Variants in DAAM2 observed in about 807,000 individuals in gnomAD.
DAAM2 encodes the protein dishevelled associated activator of morphogenesis 2, also known as disheveled-associated activator of morphogenesis 2.
DAAM2 carries 39 observed loss-of-function variants against 120.7 expected under a neutral mutation model. That is an observed-to-expected ratio of 0.32 (90% CI 0.25 to 0.42). The LOEUF (loss-of-function observed/expected upper bound fraction) is 0.42, where lower values mean the gene tolerates loss of function less well. Ranked by LOEUF, DAAM2 falls within the 10% of genes least tolerant of loss-of-function variation. DAAM2 has a pLI of 1.00. For missense variants in DAAM2, 1,283 were observed against 1,401.7 expected (o/e 0.92, Z 1.35); for synonymous variants, 488 against 524.9 (o/e 0.93, Z 0.96).
At chr6:39,812,524 C>T (rs1163174569) in intron 1 of DAAM2, among the ~76,000 whole-genome samples, 1 of 152,110 alleles carries the variant, frequency 6.6e-6, no homozygotes, top group Non-Finnish European at 1.5e-5. Flanking sequence ...ACTTGACAAT[C>T]GACTGTACCT....
intron 1 of DAAM2, among the ~76,000 whole-genome samples, chr6:39,845,642 C>G (rs1161239128): frequency 2.0e-5 from 3 of 152,012 alleles, no homozygotes; most frequent in Non-Finnish European, 4.4e-5. Flanking sequence ...TTCATGTCTT[C>G]TCTCTCCTCC....
intron 1 of DAAM2, among the ~76,000 whole-genome samples, chr6:39,794,732 G>A: frequency 6.6e-6 from 1 of 152,166 alleles, no homozygotes. Context: ...GGATCCAGGT[G>A]TAAAGAATGA....
At chr6:39,861,660 GTC>G (rs1426731375) in intron 3 of DAAM2, 2 of 162,046 alleles carry the variant, frequency 1.2e-5, no homozygotes, top group Non-Finnish European at 2.7e-5. Flanking sequence ...CTGTCTCTAC[GTC>G]TCTCTCTTGC....
Position 39,878,117 on chromosome 6 carries a change from C to T in DAAM2, c.1302-86C>T, listed in dbSNP as rs574628296. ...ACAGATTGGAGACCAGGGTCCCCAC[C>T]TGGAGGGTAGAAAGATGATGTCTCC... On this transcript the variant is annotated intron_variant, in intron 11 of 24. Transcript: ENST00000274867. This position sits in a 1 kb window ranked among gnomAD's most constrained non-coding sequence, Gnocchi z 5.0. 6.8e-7 allele frequency: 1 copy of T among 1,467,152 alleles called. No individual in the cohort carries two copies. The highest frequency in any genetic ancestry group is 2.3e-5 in the East Asian group (1 of 43,940). The allele number at this position is 1,467,152 out of a possible 1,614,324, so 90.9% of individuals were successfully genotyped here.
intron 14 of DAAM2, among the ~76,000 whole-genome samples, chr6:39,880,393 G>C (rs1436769366): frequency 6.6e-6 from 1 of 152,148 alleles, no homozygotes; most frequent in Non-Finnish European, 1.5e-5. Context: ...TAGGTGGTCA[G>C]CTATCTGCCA....
At chr6:39,845,557 C>T (rs1262826105) in intron 1 of DAAM2, among the ~76,000 whole-genome samples, 1 of 151,610 alleles carries the variant, frequency 6.6e-6, no homozygotes, top group African/African-American at 2.4e-5. Flanking sequence ...TACACCATAC[C>T]ACATACACAC....
At chr6:39,817,631 A>G (rs1762346694) in intron 1 of DAAM2, among the ~76,000 whole-genome samples, 2 of 152,162 alleles carry the variant, frequency 1.3e-5, no homozygotes, top group African/African-American at 4.8e-5. Flanking sequence ...TGTTTTAAGG[A>G]ATGGGCTCCC....
chr6:39,822,824 A>G (rs979344485), intron 1 of DAAM2: 3 of 152,216 alleles, frequency 2.0e-5, no homozygotes, highest in African/African-American at 7.2e-5. Context: ...GGCACTCAGG[A>G]CACAGCTGGG....
chr6:39,901,944 G>C lies in DAAM2; in HGVS notation c.3114G>C (p.Lys1038Asn). 6.2e-7 allele frequency: 1 copy of C among 1,612,328 alleles called. No homozygotes were observed. Among genetic ancestry groups the C allele is most frequent in the Non-Finnish European group, 8.5e-7 (1 of 1,178,676 alleles). Residue 1038 changes from lysine to asparagine, a missense_variant, in exon 25 of 25, where the codon AAG (lysine) becomes AAC (asparagine). Physicochemically the swap from Lys to Asn is moderately conservative, Grantham distance 94 (BLOSUM62 0). Transcript: ENST00000274867. The surrounding 1 kb of genome is among the most constrained non-coding windows in gnomAD (Gnocchi z 4.5). The part of the protein sequence containing the change: ...SALRSGEVFD[K>N]DLCKLKRSRK... ...TGCGCTCTGGGGAGGTCTTCGACAA[G>C]GACTTATGCAAGCTCAAGCGCAGCC... is the stretch of plus-strand genomic sequence containing the variant.
At chr6:39,877,954 G>A (rs1262050818) in intron 11 of DAAM2, among the ~76,000 whole-genome samples, 2 of 152,202 alleles carry the variant, frequency 1.3e-5, no homozygotes, top group Non-Finnish European at 2.9e-5. Context: ...GGCTCCGGCT[G>A]TATCACAAAG....
chr6:39,882,119 G>A (rs1484196267), intron 14 of DAAM2: 3 of 152,208 alleles, frequency 2.0e-5, no homozygotes, highest in Non-Finnish European at 4.4e-5. Flanking sequence ...CAGGAGTCTA[G>A]ACTAGAGATG....
chr6:39,845,018 C>A (rs1356328518), intron 1 of DAAM2, among the ~76,000 whole-genome samples: 1 of 144,598 alleles, frequency 6.9e-6, no homozygotes, highest in East Asian at 2.3e-4. Context: ...ACACACCCCC[C>A]CACACATATA....
chr6:39,806,952 G>A (rs1762026415), intron 1 of DAAM2, among the ~76,000 whole-genome samples: 1 of 151,936 alleles, frequency 6.6e-6, no homozygotes, highest in East Asian at 1.9e-4. Flanking sequence ...ACTTCAAAGG[G>A]CAATTTGACA....
In DAAM2 at chr6:39,878,212, C is replaced by T. The variant is rs376008956; in HGVS notation, c.1311C>T (p.Asn437=). The T allele has an allele frequency of 1.2e-5, 19 of 1,613,840 alleles. No homozygotes were observed. The highest frequency in any genetic ancestry group is 1.6e-4 in the Middle Eastern group (1 of 6,082). The part of the protein sequence containing the change: ...NVKNIVNMLI[N]ENEVKQWRDQ... ...CTCTATGCCCTGCCAGGCTCATCAA[C>T]GAGAATGAAGTGAAACAGTGGCGAG... is the stretch of plus-strand genomic sequence containing the variant. Residue 437 remains asparagine (N), a synonymous_variant, in exon 12 of 25, where the codon AAC becomes AAT. Coordinates refer to ENST00000274867, the MANE Select transcript of DAAM2 (RefSeq NM_001201427.2). The surrounding 1 kb of genome is among the most constrained non-coding windows in gnomAD (Gnocchi z 5.0).
At chr6:39,803,916 C>G (rs955419537) in intron 1 of DAAM2, among the ~76,000 whole-genome samples, 1 of 152,154 alleles carries the variant, frequency 6.6e-6, no homozygotes, top group African/African-American at 2.4e-5. Flanking sequence ...CTTTCTAAAC[C>G]AGGACTCTCA....
At chr6:39,829,277 T>A (rs1187129511) in intron 1 of DAAM2, among the ~76,000 whole-genome samples, 1 of 152,188 alleles carries the variant, frequency 6.6e-6, no homozygotes, top group African/African-American at 2.4e-5. Context: ...TGGTTGTGGG[T>A]AGCAAGCACA....
chr6:39,834,385 A>T (rs1483150700), intron 1 of DAAM2, among the ~76,000 whole-genome samples: 1 of 152,168 alleles, frequency 6.6e-6, no homozygotes, highest in African/African-American at 2.4e-5. Context: ...AAAAAGTGTG[A>T]TGTGGACATC....
chr6:39,876,706 G>GGTGT (rs373953758), intron 11 of DAAM2, among the ~76,000 whole-genome samples: 20 of 149,584 alleles, frequency 1.3e-4, no homozygotes, highest in East Asian at 5.9e-4. Flanking sequence ...GAATGGGAAG[G>GGTGT]GTGTGTGTGT....
At chr6:39,853,859 A>AG (rs1409865047) in intron 1 of DAAM2, among the ~76,000 whole-genome samples, 3 of 152,176 alleles carry the variant, frequency 2.0e-5, no homozygotes, top group African/African-American at 7.2e-5. Flanking sequence ...GATGGAACCA[A>AG]GGGGATCTGG....
Sources: allele counts gnomAD v4.1 joint callset (sites outside exome capture counted in the v4.1 genomes callset), GRCh38; gene constraint gnomAD v4.1.1; non-coding constraint Gnocchi (gnomAD v3.1); transcripts MANE v1.5; gene names NCBI Gene and HGNC (gene_info 2026-07-23, HGNC 2026-07-21).